Variants in HMGCS2 observed in about 807,000 individuals in gnomAD.
HMGCS2 encodes the protein 3-hydroxy-3-methylglutaryl-CoA synthase 2, also known as hydroxymethylglutaryl-CoA synthase, mitochondrial.
In HMGCS2, 50 loss-of-function variants were observed where a neutral mutation model predicts 57.4. The observed-to-expected ratio is 0.87, with a 90% CI of 0.69 to 1.10. The LOEUF (loss-of-function observed/expected upper bound fraction) is 1.10. HMGCS2 is among the 50% of genes least tolerant of loss of function. The pLI is 0.00. For synonymous variants in HMGCS2, 254 were observed against 245.1 expected (o/e 1.04, Z -0.34); for missense variants, 627 against 636.5 (o/e 0.99, Z 0.16).
intron 9 of HMGCS2, 50 bp downstream of exon 9, chr1:119,750,747 G>C: frequency 8.5e-7 from 1 of 1,179,764 alleles, no homozygotes; most frequent in Non-Finnish European, 1.3e-6. Flanking sequence ...TTGTTACTCA[G>C]AGGAAGACAT....
intron 1 of HMGCS2, among the ~76,000 whole-genome samples, chr1:119,766,197 T>C (rs1653222622): frequency 6.6e-6 from 1 of 152,236 alleles, no homozygotes; most frequent in Non-Finnish European, 1.5e-5. Context: ...CATACAAAAG[T>C]ACTTTATACC....
At chr1:119,752,458 G>T in intron 8 of HMGCS2, 91 bp downstream of exon 8, 1 of 1,388,912 alleles carries the variant, frequency 7.2e-7, no homozygotes, top group Non-Finnish European at 1.0e-6. Context: ...TCTTGACCCT[G>T]GACTACTAAA....
intron 7 of HMGCS2, 40 bp downstream of exon 7, chr1:119,753,240 G>T: frequency 8.2e-7 from 1 of 1,212,924 alleles, no homozygotes; most frequent in Non-Finnish European, 1.2e-6. Context: ...TCTACCAGAT[G>T]AATCTTGTCA....
chr1:119,761,986 A>T (rs1435568525), intron 2 of HMGCS2, among the ~76,000 whole-genome samples: 3 of 152,254 alleles, frequency 2.0e-5, no homozygotes. Context: ...GGCACATTTT[A>T]TCAAACTTTT....
Position 119,759,986 on chromosome 1 carries a change from C to A in HMGCS2, c.563G>T (p.Arg188Leu). 6.2e-7 allele frequency: 1 copy of A among 1,613,916 alleles called. No individual in the cohort carries two copies. The highest frequency in any genetic ancestry group is 8.5e-7 in the Non-Finnish European group (1 of 1,179,844). The stretch of plus-strand genomic sequence containing the variant: ...GTCTCCACAGACCACCATGGCATAA[C>A]GACCTGTAAAGAGAAACAAGAAATA... ...NWMESSSWDGRYAMVVCGDIA... is the reference protein window; with the variant it reads ...NWMESSSWDGLYAMVVCGDIA... Residue 188 changes from arginine (R) to leucine (L), a missense_variant, in exon 3 of 10, where the codon CGT (arginine) becomes CTT (leucine). Arg to Leu is a moderately radical substitution (Grantham distance 102, BLOSUM62 -2). Coordinates refer to ENST00000369406, the MANE Select transcript of HMGCS2 (RefSeq NM_005518.4).
intron 6 of HMGCS2, among the ~76,000 whole-genome samples, chr1:119,753,877 G>GT (rs35851230): frequency 0.11 from 16,633 of 148,206 alleles, 941 homozygotes; most frequent in Middle Eastern, 0.15. Flanking sequence ...TTTCCTGCCC[G>GT]TTTTTTTTTT....
chr1:119,749,398 T>A (rs509184), intron 9 of HMGCS2, among the ~76,000 whole-genome samples: 4 of 96,102 alleles, frequency 4.2e-5, no homozygotes, highest in South Asian at 3.7e-4. Flanking sequence ...CTTTCCCCCC[T>A]CCCTCCCTAT....
chr1:119,764,133 C>A, intron 2 of HMGCS2, 39 bp downstream of exon 2: 1 of 1,589,652 alleles, frequency 6.3e-7, no homozygotes, highest in Non-Finnish European at 8.6e-7. Context: ...GCCTCCAATT[C>A]CAGCACCTTT....
rs765772883 is a variant in HMGCS2, at chr1:119,759,155, T to C, written c.813A>G (p.Thr271=). ...CYLRALDRCY[T]SYRKKIQNQW... is the part of the protein sequence containing the mutation. Reference sequence around the variant, plus strand: ...GATTCTGGATTTTTTTACGGTATGATGTGTAACATCGATCCAAGGCCCGCA... The same window carrying C: ...GATTCTGGATTTTTTTACGGTATGACGTGTAACATCGATCCAAGGCCCGCA... Residue 271 remains threonine, a synonymous_variant, in exon 4 of 10, where the codon ACA becomes ACG. Transcript: ENST00000369406. 50 of 1,614,072 alleles carry C rather than the reference T, an allele frequency of 3.1e-5. No individual in the cohort carries two copies. The Admixed American group carries it at 5.2e-4, about 17-fold the overall frequency.
At chr1:119,751,360 T>C (rs372966135) in intron 8 of HMGCS2, among the ~76,000 whole-genome samples, 2 of 150,980 alleles carry the variant, frequency 1.3e-5, no homozygotes, top group South Asian at 4.1e-4. Context: ...TATTTTTCTT[T>C]TCTTCTTTTT....
chr1:119,761,594 T>C (rs1653041237), intron 2 of HMGCS2, among the ~76,000 whole-genome samples: 1 of 151,948 alleles, frequency 6.6e-6, no homozygotes, highest in Admixed American at 6.6e-5. Flanking sequence ...TGAAATCCCA[T>C]CTCTACTAAA....
At chr1:119,755,643 A>T (rs757386022) in intron 5 of HMGCS2, 46 bp from the exon 6 acceptor site, 32 of 1,588,738 alleles carry the variant, frequency 2.0e-5, no homozygotes, top group Middle Eastern at 1.7e-4. Context: ...AGGGGACGGG[A>T]GGCAGGGAGC....
chr1:119,761,794 G>T (rs1349873011), intron 2 of HMGCS2, among the ~76,000 whole-genome samples: 1 of 151,760 alleles, frequency 6.6e-6, no homozygotes, highest in East Asian at 1.9e-4. Flanking sequence ...AATAAAAAAA[G>T]GCAAGCTATA....
At chr1:119,750,999 G>A (rs1652640222) in intron 8 of HMGCS2, 91 bp from the exon 9 acceptor site, 1 of 798,660 alleles carries the variant, frequency 1.3e-6, no homozygotes. Context: ...CCCCTTCACA[G>A]TGAAGCTCTC....
At chr1:119,750,307 C>T (rs756362573) in intron 9 of HMGCS2, among the ~76,000 whole-genome samples, 2 of 152,196 alleles carry the variant, frequency 1.3e-5, no homozygotes, top group African/African-American at 4.8e-5. Flanking sequence ...TTGATCTCAT[C>T]CCCCTGGAGT....
chr1:119,755,897 G>GTA (rs201606276), intron 5 of HMGCS2, among the ~76,000 whole-genome samples: 65 of 20,048 alleles, frequency 3.2e-3, no homozygotes, highest in Admixed American at 7.5e-3. Context: ...GTGTGTGTGT[G>GTA]TATATATATA....
intron 2 of HMGCS2, among the ~76,000 whole-genome samples, chr1:119,762,998 A>G (rs1378306263): frequency 6.6e-6 from 1 of 152,122 alleles, no homozygotes; most frequent in Non-Finnish European, 1.5e-5. Context: ...AGTGGTGGTA[A>G]TGGTGGTAGG....
Position 119,759,887 on chromosome 1 carries a change from T to G in HMGCS2, c.662A>C (p.Lys221Thr), listed in dbSNP as rs1485974535. ...ACCTCGCTCCAGGGCCAGAGGGGCC[T>G]TGGGCCCAATCAGCATAGCCACAGC... The part of the protein sequence containing the change: ...AGAVAMLIGP[K>T]APLALERGLR... Residue 221 changes from lysine (K) to threonine (T), a missense_variant, in exon 3 of 10, where the codon AAG (lysine) becomes ACG (threonine). Transcript: ENST00000369406. The G allele has an allele frequency of 6.2e-7, 1 of 1,614,180 alleles. No individual in the cohort carries two copies. Among genetic ancestry groups the G allele is most frequent in the Admixed American group, 1.7e-5 (1 of 60,022 alleles).
intron 2 of HMGCS2, 134 bp from the exon 3 acceptor site, chr1:119,760,123 A>G: frequency 1.2e-6 from 1 of 829,366 alleles, no homozygotes; most frequent in South Asian, 1.6e-5. Flanking sequence ...AGTCCTGTGG[A>G]GCTTATGTTC....
Sources: gnomAD v4.1 joint callset for allele counts (sites outside exome capture counted in the v4.1 genomes callset) on GRCh38, gnomAD v4.1.1 for gene constraint, MANE v1.5 for transcripts, NCBI Gene and HGNC (gene_info 2026-07-23, HGNC 2026-07-21) for gene names.